Variants in DNMT3A observed in about 807,000 individuals in gnomAD.
DNMT3A encodes DNA (cytosine-5)-methyltransferase 3A.
DNMT3A carries 267 observed loss-of-function variants against 117.6 expected under a neutral mutation model. That is an observed-to-expected ratio of 2.27 (90% confidence interval 2.05 to 2.51). DNMT3A has a LOEUF of 2.51. DNMT3A is among the 30% of genes most tolerant of loss of function. DNMT3A has a pLI of 0.00. For synonymous variants in DNMT3A, 432 were observed against 474.8 expected, an observed-to-expected ratio of 0.91 and a Z score of 1.17; for missense variants, 1,029 against 1,260.2, an observed-to-expected ratio of 0.82 and a Z score of 2.78.
At chr2:25,241,510 G>A in intron 17 of DNMT3A, 52 bp downstream of exon 17, 1 of 1,569,040 alleles carries the variant, frequency 6.4e-7, no homozygotes, top group Non-Finnish European at 8.6e-7. Context: ...GCCTCCAGGT[G>A]CTGAGTGTGC....
rs375658474 is a variant in DNMT3A, at chr2:25,241,552, A to G, written c.2082+10T>C. On this transcript the variant is annotated intron_variant, in intron 17 of 22. Coordinates refer to ENST00000321117, the MANE Select transcript of DNMT3A (RefSeq NM_022552.5). ...GGGAAGACGGGCTGCGCCCCACAGC[A>G]TGGACATACATGCTTCTGTGTGACG... The G allele has an allele frequency of 1.2e-6, 2 of 1,610,300 alleles. No homozygotes were observed. The highest frequency in any genetic ancestry group is 1.7e-6 in the Non-Finnish European group (2 of 1,178,432).
rs866957487 is a variant in DNMT3A at position 25,305,585 on chromosome 2, T to C, written c.73-5342A>G. On this transcript the variant is annotated intron_variant, in intron 2 of 22. Coordinates refer to ENST00000321117, the MANE Select transcript of DNMT3A (RefSeq NM_022552.5). This position sits in a 1 kb window ranked among gnomAD's most constrained non-coding sequence, Gnocchi z 4.1. ...AAACACCTGAAGCTCAGAGAGATTA[T>C]CTGACTTGCAGGGATCAGAGAGCCA... Among the ~76,000 whole-genome samples the C allele has an allele frequency of 1.3e-5, 2 of 152,234 alleles. No homozygotes were observed. Among genetic ancestry groups the C allele is most frequent in the African/African-American group, 2.4e-5 (1 of 41,462 alleles).
intron 6 of DNMT3A, among the ~76,000 whole-genome samples, chr2:25,269,623 T>G (rs1248288656): frequency 6.6e-6 from 1 of 151,960 alleles, no homozygotes; most frequent in Non-Finnish European, 1.5e-5. Context: ...GTATCTGACA[T>G]GATGGGGGAG....
At chr2:25,278,639 A>T (rs564654028) in intron 4 of DNMT3A, among the ~76,000 whole-genome samples, 2 of 152,354 alleles carry the variant, frequency 1.3e-5, no homozygotes, top group African/African-American at 4.8e-5. Context: ...CAGCCTGGCC[A>T]ACATGGCGAA....
At position 25,233,766 on chromosome 2, in the gene DNMT3A, A is replaced by T. The variant is rs1446936218; in HGVS notation, c.*513T>A. ...GACAACAAAAAAAAGATATATAGTA[A>T]AAAAAAAAACCCAAAAAAAAAAAAC... On this transcript the variant is annotated 3_prime_UTR_variant, in exon 23 of 23. Coordinates refer to ENST00000321117, the MANE Select transcript of DNMT3A (RefSeq NM_022552.5). 5 of 188,758 alleles carry T rather than the reference A, an allele frequency of 2.6e-5. No homozygotes were observed. The highest frequency in any genetic ancestry group is 5.2e-5 in the Non-Finnish European group (5 of 95,710). 11.7% of individuals were successfully genotyped at this position (188,758 alleles called of 1,614,324 possible). A position where few individuals can be genotyped will look rare whatever the true frequency, so the allele number is the denominator to read the frequency against.
At chr2:25,285,650 C>G (rs2032252214) in intron 3 of DNMT3A, among the ~76,000 whole-genome samples, 1 of 152,254 alleles carries the variant, frequency 6.6e-6, no homozygotes, top group Admixed American at 6.5e-5. Context: ...CTGATGCCAG[C>G]AGAGCCAGGA....
rs1430557456 is a variant in DNMT3A at position 25,247,415 on chromosome 2, A to C, written c.1014+176T>G. 9.4e-7 allele frequency: 1 copy of C among 1,059,304 alleles called. No individual in the cohort carries two copies. The highest frequency in any genetic ancestry group is 1.6e-5 in the African/African-American group (1 of 62,380). 65.6% of individuals were successfully genotyped at this position (1,059,304 alleles called of 1,614,324 possible). A position where few individuals can be genotyped will look rare whatever the true frequency, so the allele number is the denominator to read the frequency against. Reference sequence around the variant, plus strand: ...ACTGGGCCAGCATCCTAGCTCTCTGAGCCACAGGTGCAACCTAATTATCCC... The same window carrying C: ...ACTGGGCCAGCATCCTAGCTCTCTGCGCCACAGGTGCAACCTAATTATCCC... On this transcript the variant is annotated intron_variant, in intron 8 of 22. Transcript: ENST00000321117. The surrounding 1 kb of genome is among the most constrained non-coding windows in gnomAD (Gnocchi z 5.6).
intron 2 of DNMT3A, among the ~76,000 whole-genome samples, chr2:25,308,729 G>A (rs1444011840): frequency 6.6e-6 from 1 of 152,180 alleles, no homozygotes; most frequent in Non-Finnish European, 1.5e-5. Context: ...AAGTGACCAT[G>A]TGGGGGCATC....
chr2:25,249,138 T>A (rs1675218182), intron 6 of DNMT3A, among the ~76,000 whole-genome samples: 2 of 152,214 alleles, frequency 1.3e-5, no homozygotes, highest in Non-Finnish European at 2.9e-5. Context: ...GCCAGGCATG[T>A]GCCTGTAATC....
At chr2:25,299,262 T>C (rs1476375555) in intron 3 of DNMT3A, among the ~76,000 whole-genome samples, 2 of 152,226 alleles carry the variant, frequency 1.3e-5, no homozygotes, top group Admixed American at 1.3e-4. Context: ...TCAGCGGCAC[T>C]GGTTCCCAGA....
chr2:25,253,095 G>C (rs1419278793), intron 6 of DNMT3A, among the ~76,000 whole-genome samples: 1 of 152,176 alleles, frequency 6.6e-6, no homozygotes, highest in African/African-American at 2.4e-5. Flanking sequence ...TTCATTCCCA[G>C]GCTCAAACAT....
chr2:25,329,722 G>GATACAA (rs1468143585), intron 1 of DNMT3A, among the ~76,000 whole-genome samples: 12 of 147,444 alleles, frequency 8.1e-5, no homozygotes, highest in African/African-American at 3.0e-4. Context: ...CAGACACACA[G>GATACAA]ATACAAACAC....
intron 6 of DNMT3A, chr2:25,249,488 C>T (rs1191931148): frequency 5.4e-6 from 4 of 738,428 alleles, no homozygotes; most frequent in Middle Eastern, 3.8e-4. Flanking sequence ...TGTATTGTTA[C>T]CAGATTCGAC....
rs563764673 is a variant in DNMT3A at position 25,275,634 on chromosome 2, G to A, written c.449-91C>T. 1.3e-4 allele frequency: 185 copies of A among 1,396,650 alleles called. 4 individuals carry two copies. In the South Asian group the frequency reaches 2.6e-3, roughly 20 times the overall value. 86.5% of individuals were successfully genotyped at this position (1,396,650 alleles called of 1,614,324 possible). A position where few individuals can be genotyped will look rare whatever the true frequency, so the allele number is the denominator to read the frequency against. Reference sequence around the variant, plus strand: ...GCCCCACCTTGTGCCTGGGGTCCCTGCCACAGGGGATGGGGGTCCTCTGGC... The same window carrying A: ...GCCCCACCTTGTGCCTGGGGTCCCTACCACAGGGGATGGGGGTCCTCTGGC... On this transcript the variant is annotated intron_variant, in intron 4 of 22. Transcript: ENST00000321117.
chr2:25,249,225 C>A (rs566608706), intron 6 of DNMT3A, among the ~76,000 whole-genome samples: 2 of 152,192 alleles, frequency 1.3e-5, no homozygotes, highest in Non-Finnish European at 2.9e-5. Context: ...GACCCTGTCA[C>A]CAAAAATTTA....
In DNMT3A at chr2:25,314,175, A is replaced by G; in HGVS notation, c.-177-14T>C. 1.4e-6 allele frequency: 2 copies of G among 1,419,912 alleles called. No individual in the cohort carries two copies. Among genetic ancestry groups the G allele is most frequent in the Non-Finnish European group, 1.8e-6 (2 of 1,090,788 alleles). 88.0% of individuals were successfully genotyped at this position (1,419,912 alleles called of 1,614,324 possible). Reference sequence around the variant, plus strand: ...CGATGGCTCCACCTGTGGGGGAGAGAAGAGGATCAGTGGGGCGGAGCACCC... The same window carrying G: ...CGATGGCTCCACCTGTGGGGGAGAGGAGAGGATCAGTGGGGCGGAGCACCC... On this transcript the variant is annotated splice_polypyrimidine_tract_variant and intron_variant, in intron 1 of 22. Coordinates refer to ENST00000321117, the MANE Select transcript of DNMT3A (RefSeq NM_022552.5).
At chr2:25,275,280 G>A (rs1201348325) in intron 5 of DNMT3A, among the ~76,000 whole-genome samples, 193 bp from the exon 6 acceptor site, 3 of 152,212 alleles carry the variant, frequency 2.0e-5, no homozygotes, top group Non-Finnish European at 4.4e-5. Flanking sequence ...ACATGGACAC[G>A]GCCACAGGCC....
intron 12 of DNMT3A, 57 bp downstream of exon 12, chr2:25,245,963 T>C: frequency 6.2e-7 from 1 of 1,611,072 alleles, no homozygotes; most frequent in Non-Finnish European, 8.5e-7. Flanking sequence ...TAAGTGCCTC[T>C]GCTACTCTGC....
chr2:25,284,759 A>G (rs932445440), intron 3 of DNMT3A, among the ~76,000 whole-genome samples: 3 of 150,648 alleles, frequency 2.0e-5, no homozygotes, highest in Non-Finnish European at 2.9e-5. Context: ...CCCCTAAGGT[A>G]CCCATTATTA....
Sources: allele counts gnomAD v4.1 joint callset (sites outside exome capture counted in the v4.1 genomes callset), GRCh38; gene constraint gnomAD v4.1.1; non-coding constraint Gnocchi (gnomAD v3.1); transcripts MANE v1.5; gene names NCBI Gene and HGNC (gene_info 2026-07-23, HGNC 2026-07-21).